LAMC1: variants seen among roughly 807,000 people sequenced by gnomAD.
LAMC1 encodes the protein laminin subunit gamma 1.
A neutral mutation model predicts 173.6 loss-of-function variants in LAMC1; 38 were observed. The observed-to-expected ratio is 0.22, with a 90% CI of 0.17 to 0.29. The LOEUF (loss-of-function observed/expected upper bound fraction) is 0.29. LAMC1 is among the 10% of genes least tolerant of loss of function. The pLI is 1.00. For synonymous variants in LAMC1, 746 were observed against 749.1 expected (o/e 1.00, Z 0.07); for missense variants, 1,824 against 2,051.8 (o/e 0.89, Z 2.14).
Position 183,117,457 on chromosome 1 carries a change from A to G in LAMC1, c.1687+15A>G, listed in dbSNP as rs1313465523. ...CATTGCTCCTGGTAAGTAAGGCTAG[A>G]AAGCAGTCTGACCTGCTGTGTGCCT... On this transcript the variant is annotated intron_variant, in intron 9 of 27. Transcript: ENST00000258341. 3.7e-6 allele frequency: 6 copies of G among 1,612,034 alleles called. No individual in the cohort carries two copies. The highest frequency in any genetic ancestry group is 4.2e-6 in the Non-Finnish European group (5 of 1,178,264).
intron 1 of LAMC1, among the ~76,000 whole-genome samples, chr1:183,085,415 T>A (rs1655400899): frequency 6.6e-6 from 1 of 152,088 alleles, no homozygotes; most frequent in Non-Finnish European, 1.5e-5. Flanking sequence ...CAGGCTGGAG[T>A]GCAGTAGTGT....
intron 1 of LAMC1, among the ~76,000 whole-genome samples, chr1:183,055,310 C>A (rs946353431): frequency 6.6e-6 from 1 of 151,788 alleles, no homozygotes; most frequent in African/African-American, 2.4e-5. Flanking sequence ...TTTATCATTT[C>A]TCTTCCTAGT....
chr1:183,082,433 A>G (rs1295852960), intron 1 of LAMC1, among the ~76,000 whole-genome samples: 1 of 152,208 alleles, frequency 6.6e-6, no homozygotes, highest in Non-Finnish European at 1.5e-5. Flanking sequence ...TGTATTTTTG[A>G]TGATTTCCTT....
intron 1 of LAMC1, among the ~76,000 whole-genome samples, chr1:183,099,234 G>A (rs956321445): frequency 6.6e-6 from 1 of 151,990 alleles, no homozygotes; most frequent in Admixed American, 6.6e-5. Context: ...GATTACAGGC[G>A]CGTACCACCA....
At chr1:183,137,532 TG>T (rs1558061624) in intron 25 of LAMC1, 136 bp from the exon 26 acceptor site, 1 of 458,346 alleles carries the variant, frequency 2.2e-6, no homozygotes, top group Non-Finnish European at 3.7e-6. Context: ...ATGTAAGTCA[TG>T]AGATAGTATA....
intron 2 of LAMC1, among the ~76,000 whole-genome samples, chr1:183,107,771 A>G (rs1032981354): frequency 7.2e-5 from 11 of 152,052 alleles, no homozygotes; most frequent in Non-Finnish European, 1.2e-4. Flanking sequence ...TGGAGCTTGC[A>G]GTGAGCTGAG....
intron 20 of LAMC1, 140 bp downstream of exon 20, chr1:183,131,518 GCT>G: frequency 1.7e-6 from 1 of 572,934 alleles, no homozygotes; most frequent in Non-Finnish European, 3.1e-6. Context: ...TGCACACTTT[GCT>G]CTCTTTTCTA....
At chr1:183,063,245 A>G (rs1311331413) in intron 1 of LAMC1, among the ~76,000 whole-genome samples, 1 of 152,226 alleles carries the variant, frequency 6.6e-6, no homozygotes, top group African/African-American at 2.4e-5. Flanking sequence ...TGCAGTCCTT[A>G]GTGTAGTAAG....
chr1:183,040,991 G>T (rs991794129), intron 1 of LAMC1, among the ~76,000 whole-genome samples: 1 of 152,176 alleles, frequency 6.6e-6, no homozygotes, highest in African/African-American at 2.4e-5. Context: ...TGTTGATCTG[G>T]TGACCGTGAA....
At chr1:183,084,330 A>G (rs915144404) in intron 1 of LAMC1, among the ~76,000 whole-genome samples, 2 of 151,552 alleles carry the variant, frequency 1.3e-5, no homozygotes, top group Non-Finnish European at 2.9e-5. Flanking sequence ...GCGTCAGAGC[A>G]AGACTCCGTC....
intron 13 of LAMC1, among the ~76,000 whole-genome samples, chr1:183,123,594 CCTT>C (rs1431627984): frequency 6.6e-6 from 1 of 152,178 alleles, no homozygotes; most frequent in African/African-American, 2.4e-5. Flanking sequence ...CCCAATGTCT[CCTT>C]CTTACAGAGG....
At position 183,130,434 on chromosome 1, in the gene LAMC1, T is replaced by C. The variant is rs748679261; in HGVS notation, c.3371T>C (p.Ile1124Thr). The C allele has an allele frequency of 9.9e-6, 16 of 1,614,146 alleles. No homozygotes were observed. Among genetic ancestry groups the C allele is most frequent in the African/African-American group, 1.3e-5 (1 of 75,054 alleles). The part of the protein sequence containing the change: ...ISRLQNIRNT[I>T]EETGNLAEQA... The stretch of plus-strand genomic sequence containing the variant: ...CGTTTACAGAATATCCGGAATACCA[T>C]TGAAGAGACTGGAAACTTGGCTGAA... The change falls in exon 19 of 28, where the codon ATT (isoleucine) becomes ACT (threonine). Residue 1124 changes from isoleucine (I) to threonine (T), a missense_variant. Transcript: ENST00000258341.
chr1:183,082,174 G>A (rs1452725997), intron 1 of LAMC1, among the ~76,000 whole-genome samples: 5 of 152,160 alleles, frequency 3.3e-5, no homozygotes, highest in Admixed American at 6.5e-5. Context: ...TTTGTCAATT[G>A]TGAATAAAAT....
In LAMC1 at chr1:183,054,260, C is replaced by T. The variant is rs187073169; in HGVS notation, c.418+30126C>T. On this transcript the variant is annotated intron_variant, in intron 1 of 27. Transcript: ENST00000258341. ...ATTTAATCCTCAGCACAACCCAGTG[C>T]GGATGGAGCACTCTCCCAGTTTACG... Among the ~76,000 whole-genome samples the T allele has an allele frequency of 8.9e-4, 136 of 152,238 alleles. 2 individuals are homozygous for T. Among genetic ancestry groups the T allele is most frequent in the South Asian group, 8.3e-4 (4 of 4,820 alleles).
intron 1 of LAMC1, among the ~76,000 whole-genome samples, chr1:183,045,415 ATGTAT>A (rs2102018607): frequency 6.6e-6 from 1 of 152,124 alleles, no homozygotes; most frequent in African/African-American, 2.4e-5. Flanking sequence ...TTCCTAAACA[ATGTAT>A]TGTTTGTTTT....
intron 26 of LAMC1, 78 bp from the exon 27 acceptor site, chr1:183,140,326 G>T (rs1349205887): frequency 3.3e-5 from 19 of 584,372 alleles, no homozygotes; most frequent in African/African-American, 2.0e-4. Flanking sequence ...AATTAGATTT[G>T]TTGGGTCATT....
intron 13 of LAMC1, among the ~76,000 whole-genome samples, chr1:183,122,853 C>T (rs12124484): frequency 6.6e-6 from 1 of 152,236 alleles, no homozygotes; most frequent in South Asian, 2.1e-4. Flanking sequence ...AAATCAGCTC[C>T]TGGTAGGCCT....
In LAMC1 at chr1:183,023,456, C is replaced by G. The variant is rs992089469; in HGVS notation, c.-261C>G. The stretch of plus-strand genomic sequence containing the variant: ...CGCGCTCGGAAGTCGGGGGTCGGCG[C>G]GGAGTGCAGGCTGCTCCCGGGGTAG... On this transcript the variant is annotated 5_prime_UTR_variant, in exon 1 of 28. Transcript: ENST00000258341. 1 of 193,254 alleles carries G rather than the reference C, an allele frequency of 5.2e-6. No homozygotes were observed. Among genetic ancestry groups the G allele is most frequent in the Non-Finnish European group, 1.0e-5 (1 of 95,980 alleles). The allele number at this position is 193,254 out of a possible 1,614,324, so 12.0% of individuals were successfully genotyped here.
chr1:183,057,036 TAA>T (rs796320840), intron 1 of LAMC1, among the ~76,000 whole-genome samples: 76 of 152,326 alleles, frequency 5.0e-4, no homozygotes, highest in African/African-American at 1.7e-3. Context: ...GTGAGCTTCA[TAA>T]AAGAGTCTGC....
Sources: gnomAD v4.1 joint callset for allele counts (sites outside exome capture counted in the v4.1 genomes callset) on GRCh38, gnomAD v4.1.1 for gene constraint, MANE v1.5 for transcripts, NCBI Gene and HGNC (gene_info 2026-07-23, HGNC 2026-07-21) for gene names.